NTM: variants seen among roughly 807,000 people sequenced by gnomAD.
NTM encodes IgLON family member 2.
Under a neutral mutation model 42.1 loss-of-function variants are expected in NTM, and 13 were observed. The observed-to-expected ratio is 0.31, with a 90% CI of 0.20 to 0.49. NTM has a LOEUF of 0.49. Among genes scored for constraint, NTM ranks in the 20% least tolerant of loss-of-function variants. The pLI, the probability that NTM is intolerant of heterozygous loss-of-function variation, is 0.99. For synonymous variants in NTM, 187 were observed against 179.2 expected, an observed-to-expected ratio of 1.04 and a Z score of -0.35; for missense variants, 373 against 452.8, an observed-to-expected ratio of 0.82 and a Z score of 1.60.
chr11:132,270,765 C>G (rs577979759), intron 4 of NTM, among the ~76,000 whole-genome samples: 3 of 151,352 alleles, frequency 2.0e-5, no homozygotes, highest in Non-Finnish European at 4.4e-5. Flanking sequence ...CGCTTTACAC[C>G]AAAAATATAT....
At chr11:131,681,726 A>G (rs1367121636) in intron 1 of NTM, among the ~76,000 whole-genome samples, 1 of 14,930 alleles carries the variant, frequency 6.7e-5, no homozygotes, top group African/African-American at 1.6e-4. Context: ...TGTGTATGTG[A>G]GCTTGTTTCT....
intron 4 of NTM, among the ~76,000 whole-genome samples, chr11:132,247,012 C>G (rs569880061): frequency 6.6e-6 from 1 of 152,204 alleles, no homozygotes; most frequent in Non-Finnish European, 1.5e-5. Context: ...ATCCTCCTCC[C>G]CTCCCCAAAC....
At chr11:132,143,976 G>T (rs2069748115) in intron 2 of NTM, among the ~76,000 whole-genome samples, 1 of 106,618 alleles carries the variant, frequency 9.4e-6, no homozygotes, top group South Asian at 2.9e-4. Context: ...CCACAAGAAA[G>T]GCTTGGATCA....
chr11:132,031,659 G>A (rs184409378), intron 2 of NTM, among the ~76,000 whole-genome samples: 1 of 152,136 alleles, frequency 6.6e-6, no homozygotes, highest in Non-Finnish European at 1.5e-5. Context: ...CATCATTAAG[G>A]CTTGAGATAC....
chr11:131,391,631 G>T (rs1225151984), intron 1 of NTM, among the ~76,000 whole-genome samples: 19 of 90,526 alleles, frequency 2.1e-4, no homozygotes, highest in East Asian at 1.0e-3. Context: ...TCAGTCAAAT[G>T]ACTTTTATCT....
chr11:131,465,507 A>T (rs542601379), intron 1 of NTM, among the ~76,000 whole-genome samples: 4 of 152,130 alleles, frequency 2.6e-5, no homozygotes, highest in Non-Finnish European at 5.9e-5. Context: ...CCAGCTTACT[A>T]TGTCTTCTCT....
In NTM at chr11:131,424,173, C is replaced by T. The variant is rs1947816585; in HGVS notation, c.82+53285C>T. Among the ~76,000 whole-genome samples the T allele has an allele frequency of 2.0e-5, 3 of 152,042 alleles. No individual in the cohort carries two copies. The South Asian group carries it at 6.2e-4, about 32-fold the overall frequency. On this transcript the variant is annotated intron_variant, in intron 1 of 8. Transcript: ENST00000683400. ...ATGCCTTGCACCATTACATCAAGCA[C>T]TAATGCAGAATAGGAAGAATTTCTG... is the stretch of plus-strand genomic sequence containing the variant.
intron 2 of NTM, among the ~76,000 whole-genome samples, chr11:131,938,657 G>C (rs2059480669): frequency 6.6e-6 from 1 of 152,198 alleles, no homozygotes; most frequent in Non-Finnish European, 1.5e-5. Flanking sequence ...GGTGGGGCAG[G>C]GTGACAAGAA....
chr11:131,814,998 A>G (rs1180780600), intron 1 of NTM, among the ~76,000 whole-genome samples: 1 of 151,754 alleles, frequency 6.6e-6, no homozygotes, highest in East Asian at 1.9e-4. Context: ...GATCTTCTTC[A>G]TTTTGCCCTC....
At chr11:132,199,839 A>G (rs942734379) in intron 3 of NTM, among the ~76,000 whole-genome samples, 1 of 151,204 alleles carries the variant, frequency 6.6e-6, no homozygotes, top group African/African-American at 2.4e-5. Flanking sequence ...TGACATGTCT[A>G]CTGAGAAGCA....
chr11:131,935,531 G>A (rs191959565), intron 2 of NTM, among the ~76,000 whole-genome samples: 2 of 152,192 alleles, frequency 1.3e-5, no homozygotes, highest in Admixed American at 1.3e-4. Flanking sequence ...AGGGTTACAT[G>A]CATGAGTGTG....
chr11:131,818,832 C>G (rs561242560), intron 1 of NTM, among the ~76,000 whole-genome samples: 10 of 152,236 alleles, frequency 6.6e-5, no homozygotes, highest in African/African-American at 2.4e-4. Context: ...TTCTCTCTGC[C>G]TTTTACTAGA....
intron 1 of NTM, among the ~76,000 whole-genome samples, chr11:131,817,511 C>T (rs1320622522): frequency 1.3e-5 from 2 of 152,188 alleles, no homozygotes; most frequent in African/African-American, 2.4e-5. Flanking sequence ...CTGGGCACCT[C>T]AGGGGCTCCT....
chr11:132,257,226 G>A (rs987445947), intron 4 of NTM, among the ~76,000 whole-genome samples: 2 of 152,232 alleles, frequency 1.3e-5, no homozygotes, highest in Non-Finnish European at 2.9e-5. Flanking sequence ...GAGAGGGCAT[G>A]GAGGAGAATC....
intron 1 of NTM, among the ~76,000 whole-genome samples, chr11:131,486,000 A>G (rs912787421): frequency 6.6e-6 from 1 of 152,176 alleles, no homozygotes; most frequent in African/African-American, 2.4e-5. Context: ...GGATTGTGAC[A>G]TCTGACAGAG....
At chr11:132,144,944 G>A (rs2070043934) in intron 2 of NTM, among the ~76,000 whole-genome samples, 1 of 152,222 alleles carries the variant, frequency 6.6e-6, no homozygotes, top group Non-Finnish European at 1.5e-5. Flanking sequence ...CATAAGCAAA[G>A]CAGAAAGGAT....
intron 1 of NTM, among the ~76,000 whole-genome samples, chr11:131,735,812 G>A (rs914567529): frequency 1.7e-4 from 25 of 150,710 alleles, no homozygotes; most frequent in South Asian, 4.2e-4. Flanking sequence ...AGCCTGTGCC[G>A]TTCCTTAGAT....
intron 1 of NTM, among the ~76,000 whole-genome samples, chr11:131,641,419 C>T (rs999093187): frequency 6.6e-6 from 1 of 152,176 alleles, no homozygotes; most frequent in Non-Finnish European, 1.5e-5. Flanking sequence ...CTGAAGGGAT[C>T]GTCTCTGGTT....
At chr11:131,409,890 A>G (rs975987644) in intron 1 of NTM, among the ~76,000 whole-genome samples, 3 of 152,188 alleles carry the variant, frequency 2.0e-5, no homozygotes, top group African/African-American at 7.2e-5. Context: ...TCCTGTAAAA[A>G]GGGCTAATCT....
Sources: gnomAD v4.1 joint callset for allele counts (sites outside exome capture counted in the v4.1 genomes callset) on GRCh38, gnomAD v4.1.1 for gene constraint, MANE v1.5 for transcripts, NCBI Gene and HGNC (gene_info 2026-07-23, HGNC 2026-07-21) for gene names.